Variants in CD33 observed in about 807,000 individuals in gnomAD.
CD33 encodes the protein myeloid cell surface antigen CD33.
In CD33, 25 loss-of-function variants were observed where a neutral mutation model predicts 31.4. The ratio of observed to expected loss-of-function variants is 0.80; its 90% confidence interval spans 0.58 to 1.11. CD33 has a LOEUF of 1.11. Ranked by LOEUF, CD33 falls within the 50% of genes most tolerant of loss-of-function variation. CD33 has a pLI of 0.00. For missense variants in CD33, 407 were observed against 448.1 expected (o/e 0.91, Z 0.83); for synonymous variants, 176 against 180.6 (o/e 0.97, Z 0.20).
the CD33 span, among the ~76,000 whole-genome samples, chr19:51,212,871 T>C: frequency 1.3e-5 from 2 of 152,346 alleles, no homozygotes; most frequent in South Asian, 2.1e-4. Flanking sequence ...AGACTGTTCT[T>C]ATCCTCCTGT....
chr19:51,233,317 C>T (rs1981551565), intron 4 of CD33, among the ~76,000 whole-genome samples: 1 of 152,214 alleles, frequency 6.6e-6, no homozygotes, highest in African/African-American at 2.4e-5. Flanking sequence ...ATTGTGTGTT[C>T]GCCCTGAGTG....
intron 4 of CD33, among the ~76,000 whole-genome samples, chr19:51,234,711 C>A (rs1269050553): frequency 1.3e-5 from 2 of 152,154 alleles, no homozygotes; most frequent in Non-Finnish European, 1.5e-5. Flanking sequence ...CACCTCCCTG[C>A]CCCACCCTGC....
intron 5 of CD33, 113 bp downstream of exon 5, chr19:51,235,366 G>A (rs958044520): frequency 4.0e-6 from 5 of 1,244,892 alleles, no homozygotes; most frequent in African/African-American, 1.5e-5. Flanking sequence ...GTGTGATGAT[G>A]TACAGAATCC....
At chr19:51,221,597 T>C (rs1036793637), upstream of CD33, among the ~76,000 whole-genome samples, 53 of 152,206 alleles carry the variant, frequency 3.5e-4, 1 homozygote, top group Non-Finnish European at 1.9e-4. Flanking sequence ...GACAATTTCT[T>C]ATAAATTTAA....
At chr19:51,215,839 G>C in the CD33 span, among the ~76,000 whole-genome samples, 3 of 152,154 alleles carry the variant, frequency 2.0e-5, no homozygotes, top group East Asian at 5.8e-4. Context: ...GGTCATGCCT[G>C]GGCCCTCACC....
chr19:51,224,083 C>T (rs867251259), upstream of CD33, among the ~76,000 whole-genome samples: 14 of 152,084 alleles, frequency 9.2e-5, no homozygotes, highest in Middle Eastern at 3.4e-3. Flanking sequence ...AGAAAACAAA[C>T]CTGAGAGGAG....
the CD33 span, among the ~76,000 whole-genome samples, chr19:51,216,384 G>A: frequency 1.4e-4 from 22 of 152,052 alleles, no homozygotes; most frequent in Non-Finnish European, 3.1e-4. Context: ...GGGGTTCACT[G>A]GTAGACATAG....
chr19:51,222,677 A>G (rs1980740051), upstream of CD33, among the ~76,000 whole-genome samples: 1 of 152,222 alleles, frequency 6.6e-6, no homozygotes, highest in South Asian at 2.1e-4. Context: ...AGGACATATC[A>G]GTGGTTGCCC....
At chr19:51,218,781 GTCCTGTCCCCAGTGTATGTTTT>G in the CD33 span, among the ~76,000 whole-genome samples, 3 of 152,118 alleles carry the variant, frequency 2.0e-5, no homozygotes, top group Non-Finnish European at 4.4e-5. Context: ...TTAATAAGGT[GTCCTGTCCCCAGTGTATGTTTT>G]TGTCGACTTT....
Position 51,239,779 on chromosome 19 carries a change from A to G in CD33, c.*91A>G, listed in dbSNP as rs1376462785. On this transcript the variant is annotated 3_prime_UTR_variant, in exon 7 of 7. Coordinates refer to ENST00000262262, the MANE Select transcript of CD33 (RefSeq NM_001772.4). Reference sequence around the variant, plus strand: ...CTGATTCTTGGAGATTTAACACCCCACAGGCAATGGGTTTATAGACATTAT... The same window carrying G: ...CTGATTCTTGGAGATTTAACACCCCGCAGGCAATGGGTTTATAGACATTAT... 2 of 1,002,668 alleles carry G rather than the reference A, an allele frequency of 2.0e-6. No homozygotes were observed. Among genetic ancestry groups the G allele is most frequent in the Non-Finnish European group, 2.9e-6 (2 of 678,106 alleles). The allele number at this position is 1,002,668 out of a possible 1,614,324, so 62.1% of individuals were successfully genotyped here. A position where few individuals can be genotyped will look rare whatever the true frequency, so the allele number is the denominator to read the frequency against.
the CD33 span, among the ~76,000 whole-genome samples, chr19:51,219,785 T>C: frequency 6.6e-6 from 1 of 152,360 alleles, no homozygotes; most frequent in Admixed American, 6.5e-5. Flanking sequence ...GGGATGATTA[T>C]ATGGTTTTTG....
At chr19:51,233,224 C>T (rs1981544027) in intron 4 of CD33, among the ~76,000 whole-genome samples, 2 of 152,230 alleles carry the variant, frequency 1.3e-5, no homozygotes, top group Admixed American at 1.3e-4. Flanking sequence ...AACCACTACC[C>T]CAGCCTGGGG....
intron 6 of CD33, chr19:51,236,014 C>T (rs992790219): frequency 2.6e-5 from 15 of 580,098 alleles, no homozygotes; most frequent in Non-Finnish European, 4.4e-5. Context: ...AAAAATTAGC[C>T]AGATGTGGTG....
chr19:51,225,177 G>A (rs557391374), intron 1 of CD33, 22 bp downstream of exon 1: 94 of 1,613,838 alleles, frequency 5.8e-5, no homozygotes, highest in Non-Finnish European at 3.4e-6. Context: ...TGGGGAGAGG[G>A]GTTGTCGGGC....
the CD33 span, chr19:51,211,085 G>A: frequency 6.7e-7 from 1 of 1,488,480 alleles, no homozygotes; most frequent in African/African-American, 1.4e-5. Context: ...CACACAGGAA[G>A]CCCGGGAAGC....
chr19:51,236,154 T>C, intron 6 of CD33: 1 of 353,946 alleles, frequency 2.8e-6, no homozygotes, highest in Non-Finnish European at 5.4e-6. Flanking sequence ...AGAGACTCTG[T>C]CCCAAAAAGA....
Position 51,225,620 on chromosome 19 carries a change from T to C in CD33, c.418+22T>C, listed in dbSNP as rs116416400. The C allele has an allele frequency of 1.5e-3, 2,348 of 1,539,624 alleles. 26 individuals are homozygous for C. The African/African-American group carries it at 0.027, about 18-fold the overall frequency. On this transcript the variant is annotated intron_variant, in intron 2 of 6. Coordinates refer to ENST00000262262, the MANE Select transcript of CD33 (RefSeq NM_001772.4). ...ACAGGTGAGGCACAGGCTTCAGAAG[T>C]GGCCGCAAGGGAAGTTCATGGGTAC...
At chr19:51,212,909 A>T in the CD33 span, among the ~76,000 whole-genome samples, 3 of 152,324 alleles carry the variant, frequency 2.0e-5, no homozygotes, top group East Asian at 5.8e-4. Flanking sequence ...CCATTGCATG[A>T]ATAGAAATTC....
rs189889228 is a variant in CD33, at chr19:51,233,348, C to T, written c.746-1809C>T. Among the ~76,000 whole-genome samples the T allele has an allele frequency of 1.4e-3, 208 of 152,330 alleles. 1 individual carries two copies. Among genetic ancestry groups the T allele is most frequent in the African/African-American group, 4.7e-3 (194 of 41,572 alleles). On this transcript the variant is annotated intron_variant, in intron 4 of 6. Transcript: ENST00000262262. ...GAGTGGGACTATAAGACCTTTCCTC[C>T]AGCTGGAAGTACGGGCAGCAGGGGT...
Sources: gnomAD v4.1 joint callset for allele counts (sites outside exome capture counted in the v4.1 genomes callset) on GRCh38, gnomAD v4.1.1 for gene constraint, MANE v1.5 for transcripts, NCBI Gene and HGNC (gene_info 2026-07-23, HGNC 2026-07-21) for gene names.